CNDP1: variants seen among roughly 807,000 people sequenced by gnomAD.
CNDP1 encodes the protein carnosine dipeptidase 1, also known as beta-Ala-His dipeptidase.
Under a neutral mutation model 58.1 loss-of-function variants are expected in CNDP1, and 44 were observed. The observed-to-expected ratio is 0.76, with a 90% CI of 0.60 to 0.97. The LOEUF (loss-of-function observed/expected upper bound fraction) is 0.97, where lower values mean the gene tolerates loss of function less well. CNDP1 is among the 50% of genes least tolerant of loss of function. CNDP1 has a pLI of 0.00. For missense variants in CNDP1, 616 were observed against 655.1 expected (o/e 0.94, Z 0.65); for synonymous variants, 254 against 252.6 (o/e 1.01, Z -0.05).
chr18:74,553,851 G>A (rs1354385174), intron 1 of CNDP1, among the ~76,000 whole-genome samples: 3 of 152,138 alleles, frequency 2.0e-5, no homozygotes, highest in Non-Finnish European at 4.4e-5. Flanking sequence ...TTTCCTCCAA[G>A]ATGCTGCTGT....
At chr18:74,544,062 G>A (rs1980695744) in intron 1 of CNDP1, among the ~76,000 whole-genome samples, 2 of 152,092 alleles carry the variant, frequency 1.3e-5, no homozygotes, top group Admixed American at 1.3e-4. Context: ...CTCTAGCCTG[G>A]GCAACATAGC....
intron 1 of CNDP1, among the ~76,000 whole-genome samples, chr18:74,548,907 G>C (rs1297735476): frequency 6.6e-6 from 1 of 152,236 alleles, no homozygotes; most frequent in African/African-American, 2.4e-5. Context: ...GAACTTAAGA[G>C]TGATGACTTA....
Position 74,546,715 on chromosome 18 carries a change from C to T in CNDP1, c.25-9623C>T, listed in dbSNP as rs1214665079. Among the ~76,000 whole-genome samples, 4 of 152,214 alleles carry T rather than the reference C, an allele frequency of 2.6e-5. No individual in the cohort carries two copies. In the East Asian group the frequency reaches 5.8e-4, roughly 22 times the overall value. ...ACTGGCACTCAATTCCTCAATTCCTCCTCCATCCCCTGGCTTCGGCAGTCT... is the reference window on the plus strand; with the variant it reads ...ACTGGCACTCAATTCCTCAATTCCTTCTCCATCCCCTGGCTTCGGCAGTCT... On this transcript the variant is annotated intron_variant, in intron 1 of 11. Transcript: ENST00000358821.
intron 1 of CNDP1, among the ~76,000 whole-genome samples, chr18:74,538,349 T>C (rs1980534403): frequency 6.6e-6 from 1 of 152,386 alleles, no homozygotes; most frequent in African/African-American, 2.4e-5. Flanking sequence ...ATTCATGTCA[T>C]AGCATATATC....
chr18:74,575,851 G>GTGTGTGTGTA (rs1981621555), intron 7 of CNDP1, among the ~76,000 whole-genome samples: 1 of 148,124 alleles, frequency 6.8e-6, no homozygotes, highest in Non-Finnish European at 1.5e-5. Context: ...GTGTGTGTGT[G>GTGTGTGTGTA]TGTGTGTGTG....
chr18:74,580,093 G>A (rs1981749905), intron 9 of CNDP1, 37 bp from the exon 10 acceptor site: 2 of 1,585,178 alleles, frequency 1.3e-6, no homozygotes, highest in East Asian at 4.5e-5. Flanking sequence ...AGAATAACTT[G>A]ACACTTTCTC....
In CNDP1 at chr18:74,540,882, G is replaced by A. The variant is rs376941511; in HGVS notation, c.24+6191G>A. Among the ~76,000 whole-genome samples the A allele has an allele frequency of 2.6e-5, 4 of 152,296 alleles. No individual in the cohort carries two copies. The East Asian group carries it at 5.8e-4, about 22-fold the overall frequency. On this transcript the variant is annotated intron_variant, in intron 1 of 11. Coordinates refer to ENST00000358821, the MANE Select transcript of CNDP1 (RefSeq NM_032649.6). Reference sequence around the variant, plus strand: ...TAATCAACAAATCACATGATGTGTGGAATCCCTAACTCACTCCAGCACTAG... The same window carrying A: ...TAATCAACAAATCACATGATGTGTGAAATCCCTAACTCACTCCAGCACTAG...
rs532358622 is a variant in CNDP1 at position 74,556,352 on chromosome 18, G to GGCTGT, written c.44_48dup (p.Leu17CysfsTer21). ...AACCCTTCCAGGCTGCGTCCCTGCTGGCTGTGCTGCTGCTGCTGCTGGAGC... is the reference window on the plus strand; with the variant it reads ...AACCCTTCCAGGCTGCGTCCCTGCTGGCTGTGCTGTGCTGCTGCTGCTGCTGGAGC... On this transcript the variant is annotated frameshift_variant, in exon 2 of 12. Transcript: ENST00000358821. LOFTEE classifies it high-confidence loss of function. 2,910 of 1,582,764 alleles carry GGCTGT rather than the reference G, an allele frequency of 1.8e-3. 1 individual carries two copies. The highest frequency in any genetic ancestry group is 2.3e-3 in the Non-Finnish European group (2,736 of 1,168,770).
intron 1 of CNDP1, among the ~76,000 whole-genome samples, chr18:74,548,098 G>A (rs1599087733): frequency 6.6e-6 from 1 of 152,246 alleles, no homozygotes; most frequent in East Asian, 1.9e-4. Context: ...GCAACTTCCT[G>A]TTCTTCAGCT....
At chr18:74,571,465 A>G (rs1157370341) in intron 7 of CNDP1, among the ~76,000 whole-genome samples, 195 bp downstream of exon 7, 2 of 151,476 alleles carry the variant, frequency 1.3e-5, no homozygotes, top group East Asian at 1.9e-4. Context: ...ATGGACTGAA[A>G]CTCTTCTTCA....
intron 1 of CNDP1, among the ~76,000 whole-genome samples, chr18:74,551,882 T>C (rs897807866): frequency 6.6e-6 from 1 of 151,168 alleles, no homozygotes; most frequent in South Asian, 2.1e-4. Flanking sequence ...CAAATGTTAA[T>C]GTAGATGGAT....
intron 7 of CNDP1, among the ~76,000 whole-genome samples, chr18:74,571,494 A>T (rs1049777836): frequency 1.3e-5 from 2 of 152,052 alleles, no homozygotes; most frequent in African/African-American, 4.8e-5. Context: ...ATTTTGTTTT[A>T]TTGGACATTG....
intron 5 of CNDP1, among the ~76,000 whole-genome samples, chr18:74,562,567 T>A (rs1403187687): frequency 1.3e-5 from 2 of 152,222 alleles, no homozygotes; most frequent in African/African-American, 4.8e-5. Context: ...CACACATTTT[T>A]AAAATGTATC....
chr18:74,546,056 T>C (rs1014239098), intron 1 of CNDP1, among the ~76,000 whole-genome samples: 2 of 152,200 alleles, frequency 1.3e-5, no homozygotes, highest in African/African-American at 4.8e-5. Flanking sequence ...GATTTAACTG[T>C]CACGAGATTC....
At chr18:74,549,870 C>G (rs1980856775) in intron 1 of CNDP1, among the ~76,000 whole-genome samples, 1 of 152,196 alleles carries the variant, frequency 6.6e-6, no homozygotes, top group Non-Finnish European at 1.5e-5. Context: ...AGATACAGCT[C>G]AGGCCACTGC....
intron 3 of CNDP1, among the ~76,000 whole-genome samples, chr18:74,560,045 T>C (rs1981148242): frequency 6.8e-6 from 1 of 147,850 alleles, no homozygotes; most frequent in Admixed American, 6.9e-5. Flanking sequence ...AGTCTTGCTC[T>C]GTAGCCCAGG....
Position 74,569,491 on chromosome 18 carries a change from G to A in CNDP1, c.757-1695G>A, listed in dbSNP as rs146466869. On this transcript the variant is annotated intron_variant, in intron 6 of 11. Coordinates refer to ENST00000358821, the MANE Select transcript of CNDP1 (RefSeq NM_032649.6). ...GAAGCATGCTCAAGTGGAAGGCACCGTAAGCATTCCAGAGTTTTAGGTCTG... is the reference window on the plus strand; with the variant it reads ...GAAGCATGCTCAAGTGGAAGGCACCATAAGCATTCCAGAGTTTTAGGTCTG... 2.2e-4 allele frequency among the ~76,000 whole-genome samples: 34 copies of A among 152,246 alleles called. No homozygotes were observed. The East Asian group carries it at 3.1e-3, about 14-fold the overall frequency.
intron 1 of CNDP1, among the ~76,000 whole-genome samples, chr18:74,549,956 A>G (rs1362139143): frequency 1.3e-5 from 2 of 152,224 alleles, no homozygotes; most frequent in African/African-American, 4.8e-5. Context: ...GTGCAAGAGT[A>G]AGGGAGGCTT....
chr18:74,560,496 C>T (rs866245315), intron 3 of CNDP1, among the ~76,000 whole-genome samples: 2 of 152,086 alleles, frequency 1.3e-5, no homozygotes, highest in African/African-American at 2.4e-5. Flanking sequence ...TTAGTTGAGC[C>T]TGCCCAGCTG....
Sources: gnomAD v4.1 joint callset for allele counts (sites outside exome capture counted in the v4.1 genomes callset) on GRCh38, gnomAD v4.1.1 for gene constraint, MANE v1.5 for transcripts, NCBI Gene and HGNC (gene_info 2026-07-23, HGNC 2026-07-21) for gene names.